The following ESRRG variants were observed in gnomAD, a reference collection of about 807,000 sequenced individuals.
ESRRG encodes estrogen related receptor gamma.
In ESRRG, 13 loss-of-function variants were observed where a neutral mutation model predicts 44.0. That is an observed-to-expected ratio of 0.30 (90% confidence interval 0.19 to 0.47). The LOEUF (loss-of-function observed/expected upper bound fraction) is 0.47, where lower values mean the gene tolerates loss of function less well. Ranked by LOEUF, ESRRG falls within the 20% of genes least tolerant of loss-of-function variation. The pLI is 1.00. For missense variants in ESRRG, 395 were observed against 580.6 expected (o/e 0.68, Z 3.29); for synonymous variants, 215 against 214.6 (o/e 1.00, Z -0.02).
chr1:216,891,308 G>T (rs2149401465), intron 2 of ESRRG, among the ~76,000 whole-genome samples: 1 of 152,168 alleles, frequency 6.6e-6, no homozygotes, highest in Non-Finnish European at 1.5e-5. Flanking sequence ...TAGTAAAACG[G>T]TGAAGCTTAT....
Position 216,510,429 on chromosome 1 carries a change from C to A in ESRRG, c.1133-3246G>T, listed in dbSNP as rs529044922. 4.6e-5 allele frequency among the ~76,000 whole-genome samples: 7 copies of A among 152,138 alleles called. No individual in the cohort carries two copies. The South Asian group carries it at 1.2e-3, about 27-fold the overall frequency. ...CAATATTTTACTCTGTGAAAGAGATCCTAAAAAAATGTGTCTAGTTCAGAT... is the reference window on the plus strand; with the variant it reads ...CAATATTTTACTCTGTGAAAGAGATACTAAAAAAATGTGTCTAGTTCAGAT... On this transcript the variant is annotated intron_variant, in intron 6 of 6. Transcript: ENST00000408911.
At chr1:216,805,287 T>C (rs1022459947) in intron 2 of ESRRG, 3 of 152,174 alleles carry the variant, frequency 2.0e-5, no homozygotes, top group Admixed American at 6.6e-5. Context: ...AGTATAGACA[T>C]GAATCGGTAC....
chr1:216,638,067 G>T (rs2065660867), intron 3 of ESRRG, among the ~76,000 whole-genome samples: 1 of 152,002 alleles, frequency 6.6e-6, no homozygotes, highest in Admixed American at 6.6e-5. Context: ...ATTGTACTAG[G>T]TGCCATGAAA....
intron 1 of ESRRG, among the ~76,000 whole-genome samples, chr1:217,131,103 T>C (rs558706493): frequency 2.0e-5 from 3 of 152,318 alleles, no homozygotes; most frequent in African/African-American, 7.2e-5. Context: ...AGAACATAAT[T>C]CTGAAGAAGT....
chr1:216,874,532 A>C (rs2096315633), intron 2 of ESRRG, among the ~76,000 whole-genome samples: 1 of 152,242 alleles, frequency 6.6e-6, no homozygotes, highest in Non-Finnish European at 1.5e-5. Flanking sequence ...TTCCATGCCT[A>C]GCCTTCTTCC....
At chr1:216,995,138 C>T (rs533106592) in intron 1 of ESRRG, among the ~76,000 whole-genome samples, 39 of 152,292 alleles carry the variant, frequency 2.6e-4, no homozygotes, top group Admixed American at 5.2e-4. Context: ...AGACCAAAGG[C>T]CATTCTTGAC....
chr1:216,679,008 C>T (rs541723507), intron 1 of ESRRG, among the ~76,000 whole-genome samples: 8 of 152,272 alleles, frequency 5.3e-5, no homozygotes, highest in Non-Finnish European at 1.2e-4. Flanking sequence ...TCCAAGAAGG[C>T]GGTCTCAGGA....
At chr1:217,105,808 G>A (rs2092585663) in intron 1 of ESRRG, among the ~76,000 whole-genome samples, 1 of 152,144 alleles carries the variant, frequency 6.6e-6, no homozygotes, top group South Asian at 2.1e-4. Context: ...TTTCCAGCCT[G>A]TGATTTCCAA....
chr1:216,599,770 T>A (rs1048810153), intron 3 of ESRRG, among the ~76,000 whole-genome samples: 1 of 151,196 alleles, frequency 6.6e-6, no homozygotes, highest in East Asian at 1.9e-4. Flanking sequence ...AGTAATGAAA[T>A]CTGGCTCGGG....
At chr1:216,606,430 C>T (rs2059942253) in intron 3 of ESRRG, among the ~76,000 whole-genome samples, 1 of 152,218 alleles carries the variant, frequency 6.6e-6, no homozygotes, top group South Asian at 2.1e-4. Flanking sequence ...CTCATAGTCA[C>T]ACTTTATCTT....
upstream of ESRRG, among the ~76,000 whole-genome samples, chr1:216,727,813 T>TA (rs201214265): frequency 4.4e-3 from 667 of 151,448 alleles, 4 homozygotes; most frequent in African/African-American, 0.014. Flanking sequence ...AGCCTATATA[T>TA]AAAAAAAAGC....
chr1:216,541,976 G>C (rs537801594), intron 5 of ESRRG, among the ~76,000 whole-genome samples: 1 of 151,548 alleles, frequency 6.6e-6, no homozygotes, highest in Non-Finnish European at 1.5e-5. Context: ...AGCCCAAGAC[G>C]TTCCCTGGTA....
At chr1:216,681,607 C>G (rs1478696072) in intron 1 of ESRRG, among the ~76,000 whole-genome samples, 1 of 152,138 alleles carries the variant, frequency 6.6e-6, no homozygotes, top group Non-Finnish European at 1.5e-5. Flanking sequence ...ATACTTCAAC[C>G]TAGGATGTCA....
intron 3 of ESRRG, among the ~76,000 whole-genome samples, chr1:216,620,093 T>C (rs12239412): frequency 1.3e-5 from 2 of 152,138 alleles, no homozygotes; most frequent in African/African-American, 4.8e-5. Context: ...CACACTCTAA[T>C]AGCAAAGAAT....
intron 5 of ESRRG, 113 bp from the exon 6 acceptor site, chr1:216,519,534 T>TC: frequency 9.6e-7 from 1 of 1,037,588 alleles, no homozygotes; most frequent in Non-Finnish European, 1.4e-6. Flanking sequence ...ATGCTGAGCT[T>TC]TGATTAGAAG....
chr1:216,712,906 C>T (rs527517678), intron 1 of ESRRG, among the ~76,000 whole-genome samples: 25 of 152,256 alleles, frequency 1.6e-4, no homozygotes, highest in Admixed American at 1.4e-3. Flanking sequence ...GTTGCAAAAA[C>T]GAACTTTCCA....
chr1:216,878,489 A>G (rs1477702206), intron 2 of ESRRG, among the ~76,000 whole-genome samples: 1 of 152,200 alleles, frequency 6.6e-6, no homozygotes, highest in African/African-American at 2.4e-5. Flanking sequence ...TTTGTAGATC[A>G]TGAAGATATT....
chr1:216,594,482 A>G (rs1250723814), intron 3 of ESRRG, among the ~76,000 whole-genome samples: 1 of 152,174 alleles, frequency 6.6e-6, no homozygotes, highest in Non-Finnish European at 1.5e-5. Flanking sequence ...TCTAGAGGGA[A>G]GACTTTAGGC....
intron 2 of ESRRG, among the ~76,000 whole-genome samples, chr1:216,788,666 A>G (rs1441046518): frequency 6.6e-6 from 1 of 152,116 alleles, no homozygotes; most frequent in Non-Finnish European, 1.5e-5. Context: ...TAAGAAATAC[A>G]TTTTGTAGGG....
Sources: allele counts gnomAD v4.1 joint callset (sites outside exome capture counted in the v4.1 genomes callset), GRCh38; gene constraint gnomAD v4.1.1; transcripts MANE v1.5; gene names NCBI Gene and HGNC (gene_info 2026-07-23, HGNC 2026-07-21).